Variants in CACNA1S observed in about 807,000 individuals in gnomAD.
CACNA1S encodes voltage-dependent L-type calcium channel subunit alpha-1S.
CACNA1S carries 126 observed loss-of-function variants against 207.4 expected under a neutral mutation model. The observed-to-expected ratio is 0.61, with a 90% confidence interval of 0.53 to 0.70. CACNA1S has a LOEUF of 0.70. Ranked by LOEUF, CACNA1S falls within the 30% of genes least tolerant of loss-of-function variation. The probability of loss-of-function intolerance (pLI) is 0.00; values close to 1 mark genes in which losing one functional copy is unlikely to be tolerated. For synonymous variants in CACNA1S, 960 were observed against 932.7 expected (o/e 1.03, Z -0.53); for missense variants, 2,349 against 2,422.8 (o/e 0.97, Z 0.64).
At chr1:201,041,127 A>G (rs1194648539) in intron 41 of CACNA1S, among the ~76,000 whole-genome samples, 5 of 152,202 alleles carry the variant, frequency 3.3e-5, no homozygotes, top group Non-Finnish European at 7.3e-5. Context: ...GATCATTTGC[A>G]GAAGGGCCCC....
intron 2 of CACNA1S, among the ~76,000 whole-genome samples, chr1:201,103,828 C>A (rs912152477): frequency 1.3e-5 from 2 of 152,326 alleles, no homozygotes; most frequent in Admixed American, 6.5e-5. Flanking sequence ...AACGCCCTGG[C>A]TGCCAGAGGC....
chr1:201,061,919 G>A, intron 24 of CACNA1S, 25 bp downstream of exon 24: 1 of 1,613,848 alleles, frequency 6.2e-7, no homozygotes, highest in Non-Finnish European at 8.5e-7. Context: ...GTCCATGAGG[G>A]ACCTAGGCCC....
At chr1:201,040,406 A>G (rs1268943599) in intron 42 of CACNA1S, 32 bp from the exon 43 acceptor site, 1 of 1,610,222 alleles carries the variant, frequency 6.2e-7, no homozygotes, top group Admixed American at 1.7e-5. Context: ...AAAGACCCCG[A>G]CAGGGGTGCT....
rs1558069687 is a variant in CACNA1S, at chr1:201,073,640, C to T, written c.2066G>A (p.Gly689Asp). 63 of 1,613,814 alleles carry T rather than the reference C, an allele frequency of 3.9e-5. No homozygotes were observed. The highest frequency in any genetic ancestry group is 5.2e-5 in the Non-Finnish European group (61 of 1,179,668). ...CTCCTCTTCTGACTTGTCTGGGAGA[C>T]CCCTGAGTTAGAAAACCCAAAGTGG... ...EEKKRRKMSK[G>D]LPDKSEEEKS... The change falls in exon 15 of 44, where the codon GGT becomes GAT. Residue 689 changes from glycine (G) to aspartate (D), a missense_variant and splice_region_variant. By Grantham distance (94) the Gly-to-Asp change is moderately conservative. Transcript: ENST00000362061.
intron 38 of CACNA1S, 79 bp from the exon 39 acceptor site, chr1:201,044,535 G>C: frequency 6.5e-7 from 1 of 1,537,028 alleles, no homozygotes; most frequent in Non-Finnish European, 8.9e-7. Flanking sequence ...TTTTGAGACA[G>C]AGTCTCACTC....
At chr1:201,073,464 C>T (rs1661490393) in intron 15 of CACNA1S, 85 bp downstream of exon 15, 1 of 1,125,070 alleles carries the variant, frequency 8.9e-7, no homozygotes, top group Admixed American at 1.7e-5. Context: ...CCCACCCTAC[C>T]CCACCTGTAC....
rs144059385 is a variant in CACNA1S, at chr1:201,043,519, G to T, written c.4810C>A (p.Leu1604Met). 9.9e-6 allele frequency: 16 copies of T among 1,613,942 alleles called. No individual in the cohort carries two copies. The highest frequency in any genetic ancestry group is 1.4e-5 in the Non-Finnish European group (16 of 1,180,030). ...EEGIFRRTGG[L>M]FGQVDNFLER... ...AGGAAGTTGTCCACCTGGCCAAACA[G>T]GCCTCCAGTCCTCTAGGGGCAAGGA... is the stretch of plus-strand genomic sequence containing the variant. The change falls in exon 40 of 44, where the codon CTG (leucine) becomes ATG (methionine). Residue 1604 changes from leucine (L) to methionine (M), a missense_variant. Physicochemically the swap from Leu to Met is conservative, Grantham distance 15. Coordinates refer to ENST00000362061, the MANE Select transcript of CACNA1S (RefSeq NM_000069.3).
At chr1:201,054,277 C>G (rs1050379716) in intron 29 of CACNA1S, among the ~76,000 whole-genome samples, 1 of 152,224 alleles carries the variant, frequency 6.6e-6, no homozygotes, top group Admixed American at 6.5e-5. Flanking sequence ...AGAGAACCCG[C>G]ACTCCATCTC....
At chr1:201,100,803 C>T (rs923097952) in intron 2 of CACNA1S, among the ~76,000 whole-genome samples, 1 of 151,820 alleles carries the variant, frequency 6.6e-6, no homozygotes, top group African/African-American at 2.4e-5. Flanking sequence ...GAGCCCGGCC[C>T]TATTCTGGCC....
chr1:201,072,786 C>A lies in CACNA1S; in HGVS notation c.2196G>T (p.Val732=), dbSNP rs1436996163. Residue 732 remains valine, a synonymous_variant, in exon 16 of 44, where the codon GTG becomes GTT. Transcript: ENST00000362061. ...IDEFESNVNE[V]KDPYPSADFP... is the part of the protein sequence containing the mutation. Reference sequence around the variant, plus strand: ...AGTCGGCTGAGGGGTAGGGATCCTTCACCTCATTGACATTAGATTCAAACT... The same window carrying A: ...AGTCGGCTGAGGGGTAGGGATCCTTAACCTCATTGACATTAGATTCAAACT... 1 of 1,614,004 alleles carries A rather than the reference C, an allele frequency of 6.2e-7. No individual in the cohort carries two copies. Among genetic ancestry groups the A allele is most frequent in the Non-Finnish European group, 8.5e-7 (1 of 1,179,894 alleles).
intron 41 of CACNA1S, among the ~76,000 whole-genome samples, chr1:201,041,114 C>A (rs1405462937): frequency 6.6e-6 from 1 of 152,228 alleles, no homozygotes; most frequent in Non-Finnish European, 1.5e-5. Context: ...TACTAGACTA[C>A]AAGATCATTT....
intron 26 of CACNA1S, 127 bp downstream of exon 26, chr1:201,060,531 C>T: frequency 9.9e-7 from 1 of 1,005,918 alleles, no homozygotes. Context: ...CCATGTAGCA[C>T]CTCAGCACAC....
chr1:201,061,911 C>T (rs368587087), intron 24 of CACNA1S, 33 bp downstream of exon 24: 112 of 1,613,316 alleles, frequency 6.9e-5, no homozygotes, highest in Non-Finnish European at 7.6e-5. Context: ...CTGACCATGT[C>T]CATGAGGGAC....
At chr1:201,108,966 G>GA (rs2102188918) in intron 2 of CACNA1S, among the ~76,000 whole-genome samples, 1 of 152,310 alleles carries the variant, frequency 6.6e-6, no homozygotes, top group Non-Finnish European at 1.5e-5. Flanking sequence ...AGCAGGTTCT[G>GA]GCTAGGTGTG....
intron 15 of CACNA1S, 136 bp downstream of exon 15, chr1:201,073,413 G>T (rs993812511): frequency 2.5e-6 from 2 of 787,300 alleles, no homozygotes; most frequent in African/African-American, 1.7e-5. Context: ...CCAGTCGTAC[G>T]CAGGGAGATG....
chr1:201,060,639 T>A lies in CACNA1S; in HGVS notation c.3414+19A>T. The A allele has an allele frequency of 6.2e-7, 1 of 1,614,078 alleles. No homozygotes were observed. Among genetic ancestry groups the A allele is most frequent in the Non-Finnish European group, 8.5e-7 (1 of 1,180,000 alleles). On this transcript the variant is annotated intron_variant, in intron 26 of 43. Coordinates refer to ENST00000362061, the MANE Select transcript of CACNA1S (RefSeq NM_000069.3). ...AGGTCCCAGTCTGATCAGACATTTT[T>A]CTCCTGGGGAGCCCTTACCTGCATG... is the stretch of plus-strand genomic sequence containing the variant.
chr1:201,066,782 C>T lies in CACNA1S; in HGVS notation c.2657+105G>A. 2.3e-6 allele frequency: 2 copies of T among 851,192 alleles called. No homozygotes were observed. Among genetic ancestry groups the T allele is most frequent in the Non-Finnish European group, 4.0e-6 (2 of 505,368 alleles). The allele number at this position is 851,192 out of a possible 1,614,324, so 52.7% of individuals were successfully genotyped here. On this transcript the variant is annotated intron_variant, in intron 20 of 43. Coordinates refer to ENST00000362061, the MANE Select transcript of CACNA1S (RefSeq NM_000069.3). The surrounding 1 kb of genome is among the most constrained non-coding windows in gnomAD (Gnocchi z 4.3). ...CCATCGGAGGCCCCGAGAGACCCTC[C>T]TCTTGTGGCAGGGGCCCACCAACAT...
At chr1:201,052,711 C>T (rs1487143861) in intron 31 of CACNA1S, 63 bp from the exon 32 acceptor site, 1 of 1,332,354 alleles carries the variant, frequency 7.5e-7, no homozygotes, top group African/African-American at 1.4e-5. Flanking sequence ...AGCTTATCCC[C>T]CACTGCCTTC....
chr1:201,085,049 A>T lies in CACNA1S; in HGVS notation c.1151-18T>A. On this transcript the variant is annotated intron_variant, in intron 8 of 43. Transcript: ENST00000362061. ...CAGTTTTCCTGGAGACAGGAGAGAA[A>T]GAGTCAGCCAGCCTTCGGGGCCCCT... 1 of 1,596,014 alleles carries T rather than the reference A, an allele frequency of 6.3e-7. No homozygotes were observed. The highest frequency in any genetic ancestry group is 8.5e-7 in the Non-Finnish European group (1 of 1,170,172).
Sources: gnomAD v4.1 joint callset for allele counts (sites outside exome capture counted in the v4.1 genomes callset) on GRCh38, gnomAD v4.1.1 for gene constraint, Gnocchi (gnomAD v3.1) non-coding constraint, MANE v1.5 for transcripts, NCBI Gene and HGNC (gene_info 2026-07-23, HGNC 2026-07-21) for gene names.